The following ONECUT1 variants were observed in gnomAD, a reference collection of about 807,000 sequenced individuals.
The protein encoded by ONECUT1 is hepatocyte nuclear factor 6.
ONECUT1 carries 12 observed loss-of-function variants against 25.6 expected under a neutral mutation model. That is an observed-to-expected ratio of 0.47 (90% CI 0.30 to 0.76). The LOEUF is 0.76. Ranked by LOEUF, ONECUT1 falls within the 30% of genes least tolerant of loss-of-function variation. The pLI, the probability that ONECUT1 is intolerant of heterozygous loss-of-function variation, is 0.07. For missense variants in ONECUT1, 620 were observed against 651.2 expected, an observed-to-expected ratio of 0.95 and a Z score of 0.52; for synonymous variants, 285 against 270.2, an observed-to-expected ratio of 1.05 and a Z score of -0.54.
intron 1 of ONECUT1, among the ~76,000 whole-genome samples, chr15:52,777,698 ACAC>A (rs2083809852): frequency 1.2e-5 from 1 of 85,118 alleles, no homozygotes; most frequent in South Asian, 5.1e-4. Flanking sequence ...TTCCTGGAAA[ACAC>A]ACACACACAC....
chr15:52,771,905 T>A (rs1368482683), intron 1 of ONECUT1, among the ~76,000 whole-genome samples: 2 of 152,224 alleles, frequency 1.3e-5, no homozygotes, highest in African/African-American at 4.8e-5. Context: ...TAAATCAGAA[T>A]CTTAAGAGTG....
Position 52,757,671 on chromosome 15 carries a change from T to A in ONECUT1, c.1282A>T (p.Thr428Ser). The change falls in exon 2 of 2, where the codon ACT becomes TCT. Residue 428 changes from threonine (T) to serine (S), a missense_variant. Thr to Ser is a moderately conservative substitution (Grantham distance 58). Coordinates refer to ENST00000305901, the MANE Select transcript of ONECUT1 (RefSeq NM_004498.4). ...ISQQLGLELS[T>S]VSNFFMNARR... is the part of the protein sequence containing the mutation. ...GCGTTCATGAAGAAGTTGCTGACAG[T>A]GCTCAGCTCCAACCCCAGCTGCTGG... 6.2e-7 allele frequency: 1 copy of A among 1,614,170 alleles called. No homozygotes were observed. Among genetic ancestry groups the A allele is most frequent in the Non-Finnish European group, 8.5e-7 (1 of 1,180,024 alleles).
At chr15:52,776,861 A>G (rs996189435) in intron 1 of ONECUT1, among the ~76,000 whole-genome samples, 1 of 152,212 alleles carries the variant, frequency 6.6e-6, no homozygotes, top group African/African-American at 2.4e-5. Flanking sequence ...CTTTTGAGTG[A>G]TGTAACATGG....
At chr15:52,767,912 T>A (rs1405858280) in intron 1 of ONECUT1, among the ~76,000 whole-genome samples, 1 of 152,178 alleles carries the variant, frequency 6.6e-6, no homozygotes, top group African/African-American at 2.4e-5. Flanking sequence ...CTGGACGGTA[T>A]TACGTTCAGT....
chr15:52,769,283 T>C (rs1321923980), intron 1 of ONECUT1, among the ~76,000 whole-genome samples: 1 of 152,216 alleles, frequency 6.6e-6, no homozygotes, highest in Non-Finnish European at 1.5e-5. Flanking sequence ...TACTAGAACA[T>C]GGATTATTTC....
chr15:52,757,516 A>T lies in ONECUT1; in HGVS notation c.*39T>A. 8 of 1,558,920 alleles carry T rather than the reference A, an allele frequency of 5.1e-6. No homozygotes were observed. The highest frequency in any genetic ancestry group is 6.9e-6 in the Non-Finnish European group (8 of 1,157,798). ...GTCTTTTAAAAATTTTTTTTAATTT[A>T]AAGCTTTTCCACCGAGGTTTTAGTT... On this transcript the variant is annotated 3_prime_UTR_variant, in exon 2 of 2. Transcript: ENST00000305901.
Position 52,756,547 on chromosome 15 carries a change from T to A in ONECUT1, c.*1008A>T, listed in dbSNP as rs1324329562. Among the ~76,000 whole-genome samples the A allele has an allele frequency of 6.6e-6, 1 of 152,218 alleles. No individual in the cohort carries two copies. Among genetic ancestry groups the A allele is most frequent in the Non-Finnish European group, 1.5e-5 (1 of 68,026 alleles). On this transcript the variant is annotated 3_prime_UTR_variant, in exon 2 of 2. Transcript: ENST00000305901. ...GCTAGGAACAGATTATGGAACCATG[T>A]CTATCTCTCTACTTAAGTGACATTT...
intron 1 of ONECUT1, among the ~76,000 whole-genome samples, chr15:52,773,936 G>T (rs2083783772): frequency 6.6e-6 from 1 of 152,164 alleles, no homozygotes; most frequent in African/African-American, 2.4e-5. Context: ...TTGAATAAAT[G>T]AATGCTATTC....
In ONECUT1 at chr15:52,756,768, A is replaced by G. The variant is rs2083675703; in HGVS notation, c.*787T>C. ...GTGTATTACAGCTAGATCAGTTCAT[A>G]CGTATAACTTTTCATAGTATCTTGT... is the stretch of plus-strand genomic sequence containing the variant. On this transcript the variant is annotated 3_prime_UTR_variant, in exon 2 of 2. Transcript: ENST00000305901. 6.6e-6 allele frequency among the ~76,000 whole-genome samples: 1 copy of G among 152,246 alleles called. No individual in the cohort carries two copies. Among genetic ancestry groups the G allele is most frequent in the Non-Finnish European group, 1.5e-5 (1 of 68,044 alleles).
At chr15:52,758,983 G>A (rs2083689825) in intron 1 of ONECUT1, among the ~76,000 whole-genome samples, 1 of 152,134 alleles carries the variant, frequency 6.6e-6, no homozygotes. Flanking sequence ...ATATGTGAAT[G>A]CAGCCTTAAG....
intron 1 of ONECUT1, chr15:52,780,572 A>C: frequency 6.5e-7 from 1 of 1,534,668 alleles, no homozygotes; most frequent in Non-Finnish European, 8.7e-7. Flanking sequence ...TTGAAAGGAC[A>C]TTTAATAGCA....
At chr15:52,769,735 C>T (rs2083755322) in intron 1 of ONECUT1, among the ~76,000 whole-genome samples, 1 of 152,172 alleles carries the variant, frequency 6.6e-6, no homozygotes, top group Non-Finnish European at 1.5e-5. Flanking sequence ...AGGTAATCAC[C>T]TCCCTTTACC....
chr15:52,757,783 C>T lies in ONECUT1; in HGVS notation c.1170G>A (p.Leu390=), dbSNP rs1388921719. 1.9e-6 allele frequency: 3 copies of T among 1,614,046 alleles called. No homozygotes were observed. The highest frequency in any genetic ancestry group is 2.2e-5 in the South Asian group (2 of 91,088). ...DRGNTPKKPR[L]VFTDVQRRTL... Reference sequence around the variant, plus strand: ...TTCGACGCTGGACATCTGTGAAGACCAACCTGGGCTTTTTGGGTGTGTTGC... The same window carrying T: ...TTCGACGCTGGACATCTGTGAAGACTAACCTGGGCTTTTTGGGTGTGTTGC... The change falls in exon 2 of 2, where the codon TTG becomes TTA. Residue 390 remains leucine (L), a synonymous_variant. Transcript: ENST00000305901.
chr15:52,782,266 T>C lies in ONECUT1; in HGVS notation c.1105+6514A>G, dbSNP rs140951923. 7.1e-3 allele frequency among the ~76,000 whole-genome samples: 1,088 copies of C among 152,338 alleles called. 11 individuals are homozygous for C. Among genetic ancestry groups the C allele is most frequent in the South Asian group, 0.023 (111 of 4,828 alleles). ...GAAGAGACATATGTGGATGCTTCTATAGCAAGACCCTGTGATAAGTAATTT... is the reference window on the plus strand; with the variant it reads ...GAAGAGACATATGTGGATGCTTCTACAGCAAGACCCTGTGATAAGTAATTT... On this transcript the variant is annotated intron_variant, in intron 1 of 1. Transcript: ENST00000305901.
In ONECUT1 at chr15:52,789,456, G is replaced by T; in HGVS notation, c.429C>A (p.Gly143=). The T allele has an allele frequency of 6.2e-7, 1 of 1,613,744 alleles. No homozygotes were observed. Among genetic ancestry groups the T allele is most frequent in the East Asian group, 2.2e-5 (1 of 44,878 alleles). ...HHPHHHQRLA[G]NVSGSFTLMR... The stretch of plus-strand genomic sequence containing the variant: ...TGAGCGTGAAGCTACCGCTCACGTT[G>T]CCCGCCAGGCGCTGGTGGTGGTGCG... The change falls in exon 1 of 2, where the codon GGC becomes GGA. Residue 143 remains glycine (G), a synonymous_variant. Coordinates refer to ENST00000305901, the MANE Select transcript of ONECUT1 (RefSeq NM_004498.4). This position sits in a 1 kb window ranked among gnomAD's most constrained non-coding sequence, Gnocchi z 4.1.
chr15:52,770,262 T>A (rs1170487658), intron 1 of ONECUT1, among the ~76,000 whole-genome samples: 4 of 152,182 alleles, frequency 2.6e-5, no homozygotes, highest in Non-Finnish European at 5.9e-5. Context: ...CTGGGATCCA[T>A]CTCCAGAGAT....
Position 52,760,224 on chromosome 15 carries a change from C to G in ONECUT1, c.1106-2377G>C, listed in dbSNP as rs76642687. On this transcript the variant is annotated intron_variant, in intron 1 of 1. Coordinates refer to ENST00000305901, the MANE Select transcript of ONECUT1 (RefSeq NM_004498.4). ...TAAATGTCCAACTCCCTCAGAGCCT[C>G]GAGTTATAGACATCCTGAGCCAGGT... 2.6e-5 allele frequency among the ~76,000 whole-genome samples: 4 copies of G among 152,244 alleles called. No individual in the cohort carries two copies. In the East Asian group the frequency reaches 7.7e-4, roughly 29 times the overall value.
At position 52,773,308 on chromosome 15, in the gene ONECUT1, A is replaced by G. The variant is rs1311495052; in HGVS notation, c.1106-15461T>C. ...TCCCACTGTGCAGGAAAAGACATAT[A>G]AATAGGGAATGGGGGAAGGCAGGGA... On this transcript the variant is annotated intron_variant, in intron 1 of 1. Coordinates refer to ENST00000305901, the MANE Select transcript of ONECUT1 (RefSeq NM_004498.4). 3.9e-5 allele frequency among the ~76,000 whole-genome samples: 6 copies of G among 152,110 alleles called. No homozygotes were observed. The East Asian group carries it at 1.2e-3, about 29-fold the overall frequency.
intron 1 of ONECUT1, among the ~76,000 whole-genome samples, chr15:52,759,256 C>G (rs1205930126): frequency 6.6e-6 from 1 of 152,180 alleles, no homozygotes; most frequent in African/African-American, 2.4e-5. Flanking sequence ...AATTCCTTAC[C>G]TGATGGTTCA....
Sources: gnomAD v4.1 joint callset for allele counts (sites outside exome capture counted in the v4.1 genomes callset) on GRCh38, gnomAD v4.1.1 for gene constraint, Gnocchi (gnomAD v3.1) non-coding constraint, MANE v1.5 for transcripts, NCBI Gene and HGNC (gene_info 2026-07-23, HGNC 2026-07-21) for gene names.